The following AFG2A variants were observed in gnomAD, a reference collection of about 807,000 sequenced individuals.
The protein encoded by AFG2A is AAA ATPase AFG2A.
the AFG2A span, among the ~76,000 whole-genome samples, chr4:122,924,251 A>C: frequency 6.6e-6 from 1 of 152,168 alleles, no homozygotes; most frequent in African/African-American, 2.4e-5. Flanking sequence ...TCAGAACAAA[A>C]GCTCCACATT....
chr4:123,091,049 G>A, the AFG2A span, among the ~76,000 whole-genome samples: 1 of 152,216 alleles, frequency 6.6e-6, no homozygotes, highest in South Asian at 2.1e-4. Flanking sequence ...CTGCAGCTGA[G>A]GGCCTCTGGA....
At chr4:123,308,005 G>T in the AFG2A span, among the ~76,000 whole-genome samples, 1 of 152,168 alleles carries the variant, frequency 6.6e-6, no homozygotes, top group Non-Finnish European at 1.5e-5. Flanking sequence ...CCCTGTTGTT[G>T]AGCAACACGT....
the AFG2A span, among the ~76,000 whole-genome samples, chr4:123,124,125 A>G: frequency 6.6e-6 from 1 of 152,084 alleles, no homozygotes; most frequent in Non-Finnish European, 1.5e-5. Flanking sequence ...TGACCCAGCC[A>G]TTCCATTACT....
At chr4:123,079,745 CTTTTTTTTTT>C in the AFG2A span, among the ~76,000 whole-genome samples, 5 of 72,660 alleles carry the variant, frequency 6.9e-5, no homozygotes, top group South Asian at 5.6e-4. Context: ...TCTTTTCCTT[CTTTTTTTTTT>C]TTTTTTTTTT....
chr4:123,216,721 A>G, the AFG2A span, among the ~76,000 whole-genome samples: 2 of 150,696 alleles, frequency 1.3e-5, no homozygotes, highest in African/African-American at 4.9e-5. Context: ...GCCAGAGCAC[A>G]GTGGTGCAGT....
the AFG2A span, among the ~76,000 whole-genome samples, chr4:123,240,133 C>T: frequency 0.014 from 2,140 of 152,196 alleles, 60 homozygotes; most frequent in African/African-American, 0.048. Context: ...GCTAACTATC[C>T]TAAATATATA....
At chr4:123,178,740 T>TA in the AFG2A span, among the ~76,000 whole-genome samples, 1 of 152,206 alleles carries the variant, frequency 6.6e-6, no homozygotes, top group Non-Finnish European at 1.5e-5. Flanking sequence ...TACATTTTCC[T>TA]AAAAAATATA....
chr4:123,282,791 A>G, the AFG2A span, among the ~76,000 whole-genome samples: 1 of 150,956 alleles, frequency 6.6e-6, no homozygotes, highest in Admixed American at 6.6e-5. Context: ...AAAAAAGTAC[A>G]AGGGAAAGAA....
At chr4:123,143,194 A>AG in the AFG2A span, among the ~76,000 whole-genome samples, 2 of 139,120 alleles carry the variant, frequency 1.4e-5, no homozygotes, top group Non-Finnish European at 3.0e-5. Context: ...AAAAAAAAAG[A>AG]AAGATTATCA....
At chr4:122,973,443 C>T in the AFG2A span, among the ~76,000 whole-genome samples, 2 of 148,840 alleles carry the variant, frequency 1.3e-5, no homozygotes, top group South Asian at 4.2e-4. Context: ...CCTTATTTGC[C>T]CCACTTGTAT....
chr4:123,224,545 A>C, the AFG2A span, among the ~76,000 whole-genome samples: 116 of 152,202 alleles, frequency 7.6e-4, 2 homozygotes, highest in East Asian at 0.019. Context: ...TGAACTCATC[A>C]TTTTTTATGG....
At chr4:123,265,906 T>G in the AFG2A span, among the ~76,000 whole-genome samples, 1 of 152,014 alleles carries the variant, frequency 6.6e-6, no homozygotes, top group East Asian at 1.9e-4. Flanking sequence ...TTCCTCATTC[T>G]TTTTCTCCAA....
At chr4:123,246,575 C>T in the AFG2A span, among the ~76,000 whole-genome samples, 2 of 152,064 alleles carry the variant, frequency 1.3e-5, no homozygotes, top group African/African-American at 4.8e-5. Flanking sequence ...CATCCTCTAC[C>T]AGTGCTTCCC....
At chr4:122,944,275 A>G in the AFG2A span, among the ~76,000 whole-genome samples, 1 of 151,908 alleles carries the variant, frequency 6.6e-6, no homozygotes, top group Non-Finnish European at 1.5e-5. Context: ...AAGTACACCA[A>G]TCAGACGTAG....
At chr4:122,953,504 C>T in the AFG2A span, among the ~76,000 whole-genome samples, 9 of 152,234 alleles carry the variant, frequency 5.9e-5, no homozygotes, top group Non-Finnish European at 8.8e-5. Context: ...CCTCTGGTCC[C>T]CAGGTACCCT....
At chr4:123,253,445 C>A in the AFG2A span, among the ~76,000 whole-genome samples, 10 of 150,222 alleles carry the variant, frequency 6.7e-5, no homozygotes, top group African/African-American at 9.8e-5. Context: ...GACTGCACCA[C>A]TGCACTTCCA....
At chr4:123,007,666 C>CACACACACACATAT in the AFG2A span, among the ~76,000 whole-genome samples, 105 of 126,298 alleles carry the variant, frequency 8.3e-4, 2 homozygotes, top group African/African-American at 2.6e-3. Flanking sequence ...CACACACACA[C>CACACACACACATAT]ATATATGGAC....
the AFG2A span, among the ~76,000 whole-genome samples, chr4:123,155,578 G>T: frequency 3.3e-5 from 5 of 151,632 alleles, no homozygotes; most frequent in African/African-American, 1.2e-4. Flanking sequence ...TGGGGTCGGG[G>T]AACAAAAATT....
chr4:123,128,278 A>G, the AFG2A span, among the ~76,000 whole-genome samples: 2 of 150,146 alleles, frequency 1.3e-5, no homozygotes, highest in African/African-American at 2.4e-5. Flanking sequence ...TTTAGTTGGG[A>G]AAAAAACCAT....
Sources: allele counts gnomAD v4.1 joint callset (sites outside exome capture counted in the v4.1 genomes callset), GRCh38; gene constraint gnomAD v4.1.1; transcripts MANE v1.5; gene names NCBI Gene and HGNC (gene_info 2026-07-23, HGNC 2026-07-21).